NTN1: variants seen among roughly 807,000 people sequenced by gnomAD.
NTN1 encodes the protein netrin-1.
NTN1 carries 11 observed loss-of-function variants against 54.2 expected under a neutral mutation model. That is an observed-to-expected ratio of 0.20 (90% CI 0.13 to 0.34). The LOEUF is 0.34. Among genes scored for constraint, NTN1 ranks in the 10% least tolerant of loss-of-function variants. The probability of loss-of-function intolerance (pLI) is 1.00; values close to 1 mark genes in which losing one functional copy is unlikely to be tolerated. For synonymous variants in NTN1, 371 were observed against 382.0 expected, an observed-to-expected ratio of 0.97 and a Z score of 0.33; for missense variants, 740 against 893.1, an observed-to-expected ratio of 0.83 and a Z score of 2.18.
intron 2 of NTN1, among the ~76,000 whole-genome samples, chr17:9,103,409 A>G (rs1288095063): frequency 1.3e-5 from 2 of 152,120 alleles, no homozygotes. Flanking sequence ...GTGGGAGGTA[A>G]TTGAATCATG....
intron 2 of NTN1, among the ~76,000 whole-genome samples, chr17:9,088,319 G>A (rs1362271049): frequency 6.6e-6 from 1 of 152,184 alleles, no homozygotes; most frequent in African/African-American, 2.4e-5. Flanking sequence ...AAGATTTTGA[G>A]GATCCCTAGT....
intron 2 of NTN1, among the ~76,000 whole-genome samples, chr17:9,052,950 T>C (rs75739334): frequency 0.01 from 1,530 of 152,340 alleles, 26 homozygotes; most frequent in African/African-American, 0.032. Flanking sequence ...GAAATAGCAT[T>C]GGTTTCAGGG....
At chr17:9,026,538 G>T (rs757512986) in intron 2 of NTN1, among the ~76,000 whole-genome samples, 4 of 152,086 alleles carry the variant, frequency 2.6e-5, no homozygotes, top group Non-Finnish European at 5.9e-5. Context: ...ATACACATGT[G>T]CATTCACATT....
chr17:9,165,102 C>T lies in NTN1; in HGVS notation c.1207+2101C>T, dbSNP rs1044707697. Among the ~76,000 whole-genome samples, 3 of 152,064 alleles carry T rather than the reference C, an allele frequency of 2.0e-5. No homozygotes were observed. The highest frequency in any genetic ancestry group is 7.3e-5 in the African/African-American group (3 of 41,344). ...TCAGCCAAGAAATTTTACCCAACAG[C>T]GGCCACTCAGGTGGGCAGTCCTGTG... On this transcript the variant is annotated intron_variant, in intron 3 of 6. Transcript: ENST00000173229. The surrounding 1 kb of genome is among the most constrained non-coding windows in gnomAD (Gnocchi z 4.5).
At chr17:9,118,614 A>T (rs555232777) in intron 2 of NTN1, among the ~76,000 whole-genome samples, 1 of 152,298 alleles carries the variant, frequency 6.6e-6, no homozygotes, top group South Asian at 2.1e-4. Context: ...AATAAAACCC[A>T]TACCCATCAG....
intron 3 of NTN1, among the ~76,000 whole-genome samples, chr17:9,163,311 C>T (rs145453739): frequency 6.6e-6 from 1 of 152,208 alleles, no homozygotes; most frequent in East Asian, 1.9e-4. Flanking sequence ...ACACCTCTCC[C>T]TCCCCTCCCC....
At chr17:9,067,831 T>TCCCTCGGCAGCCAGGAGG (rs2092020058) in intron 2 of NTN1, among the ~76,000 whole-genome samples, 1 of 152,150 alleles carries the variant, frequency 6.6e-6, no homozygotes, top group Admixed American at 6.5e-5. Flanking sequence ...GCTAGGTCCA[T>TCCCTCGGCAGCCAGGAGG]CCCTCGGCAG....
At chr17:9,146,815 C>T (rs555519232) in intron 2 of NTN1, among the ~76,000 whole-genome samples, 6 of 152,292 alleles carry the variant, frequency 3.9e-5, no homozygotes, top group South Asian at 4.2e-4. Flanking sequence ...TGGATTCTTG[C>T]CTGGGAGTTT....
At chr17:9,078,877 C>G (rs532466783) in intron 2 of NTN1, among the ~76,000 whole-genome samples, 2 of 152,360 alleles carry the variant, frequency 1.3e-5, no homozygotes, top group South Asian at 4.1e-4. Flanking sequence ...AGACAGAGTT[C>G]AGCCCCCTTT....
At chr17:9,090,394 T>G (rs1039198743) in intron 2 of NTN1, among the ~76,000 whole-genome samples, 1 of 152,080 alleles carries the variant, frequency 6.6e-6, no homozygotes, top group Non-Finnish European at 1.5e-5. Context: ...CAGAACAGTC[T>G]CGATCTCTTG....
intron 2 of NTN1, among the ~76,000 whole-genome samples, chr17:9,050,120 G>A (rs1314335784): frequency 1.3e-5 from 2 of 151,724 alleles, no homozygotes; most frequent in African/African-American, 2.4e-5. Context: ...GGTGGTGGAC[G>A]CCTGTAGTCC....
intron 2 of NTN1, among the ~76,000 whole-genome samples, chr17:9,085,338 A>G (rs2092086808): frequency 6.6e-6 from 1 of 152,226 alleles, no homozygotes. Context: ...GCCTGCTGGA[A>G]GAGGGAAAGA....
chr17:9,115,740 C>A (rs1597493163), intron 2 of NTN1, among the ~76,000 whole-genome samples: 1 of 152,212 alleles, frequency 6.6e-6, no homozygotes, highest in African/African-American at 2.4e-5. Flanking sequence ...GACAAACGAA[C>A]GGATGGGCCG....
intron 6 of NTN1, among the ~76,000 whole-genome samples, chr17:9,223,319 A>G (rs1449656902): frequency 1.3e-5 from 2 of 152,188 alleles, no homozygotes; most frequent in Non-Finnish European, 1.5e-5. Flanking sequence ...TGGGAGGCCA[A>G]GGTGGGCAGA....
At chr17:9,196,616 A>G (rs1904641216) in intron 5 of NTN1, among the ~76,000 whole-genome samples, 1 of 152,248 alleles carries the variant, frequency 6.6e-6, no homozygotes, top group South Asian at 2.1e-4. Flanking sequence ...TTCAGGCTTC[A>G]GTAAGGGCAG....
intron 4 of NTN1, 80 bp downstream of exon 4, chr17:9,180,036 T>A: frequency 6.9e-7 from 1 of 1,451,332 alleles, no homozygotes; most frequent in Non-Finnish European, 9.2e-7. Context: ...GTCACTGATG[T>A]TCAGTGGGTT....
chr17:9,053,119 A>G (rs1165339146), intron 2 of NTN1, among the ~76,000 whole-genome samples: 1 of 152,238 alleles, frequency 6.6e-6, no homozygotes, highest in Non-Finnish European at 1.5e-5. Context: ...ATAAACTCTT[A>G]TTGGAACACA....
At chr17:9,058,325 G>A (rs896350462) in intron 2 of NTN1, among the ~76,000 whole-genome samples, 8 of 152,220 alleles carry the variant, frequency 5.3e-5, no homozygotes, top group African/African-American at 1.9e-4. Flanking sequence ...TTTCTGAAAT[G>A]CATTTTTGTA....
chr17:9,183,110 G>A (rs1597524716), intron 5 of NTN1, 141 bp downstream of exon 5: 2 of 845,736 alleles, frequency 2.4e-6, no homozygotes, highest in East Asian at 5.0e-5. Flanking sequence ...TGGCATCCTG[G>A]GTTGCATTGA....
Sources: allele counts gnomAD v4.1 joint callset (sites outside exome capture counted in the v4.1 genomes callset), GRCh38; gene constraint gnomAD v4.1.1; non-coding constraint Gnocchi (gnomAD v3.1); transcripts MANE v1.5; gene names NCBI Gene and HGNC (gene_info 2026-07-23, HGNC 2026-07-21).